KDM1B: variants seen among roughly 807,000 people sequenced by gnomAD.
KDM1B encodes lysine demethylase 1B, also known as lysine-specific histone demethylase 2.
KDM1B carries 63 observed loss-of-function variants against 107.4 expected under a neutral mutation model. The observed-to-expected ratio is 0.59, with a 90% confidence interval of 0.48 to 0.72. KDM1B has a LOEUF of 0.72. Ranked by LOEUF, KDM1B falls within the 30% of genes least tolerant of loss-of-function variation. The pLI is 0.00. For synonymous variants in KDM1B, 363 were observed against 363.9 expected (o/e 1.00, Z 0.03); for missense variants, 749 against 1,020.8 (o/e 0.73, Z 3.63).
In KDM1B at chr6:18,214,428, G is replaced by T. The variant is rs375679057; in HGVS notation, c.2110-579G>T. Among the ~76,000 whole-genome samples the T allele has an allele frequency of 6.6e-6, 1 of 151,976 alleles. No individual in the cohort carries two copies. Among genetic ancestry groups the T allele is most frequent in the Admixed American group, 6.6e-5 (1 of 15,258 alleles). On this transcript the variant is annotated intron_variant, in intron 19 of 21. Coordinates refer to ENST00000650836, the MANE Select transcript of KDM1B (RefSeq NM_001364614.2). The surrounding 1 kb of genome is among the most constrained non-coding windows in gnomAD (Gnocchi z 4.4). Reference sequence around the variant, plus strand: ...TTCTCCATCTCTTTCTACTTCTTCCGAAGCAAGCTTTAATTAGTGAACAGC... The same window carrying T: ...TTCTCCATCTCTTTCTACTTCTTCCTAAGCAAGCTTTAATTAGTGAACAGC...
At chr6:18,202,330 G>T (rs1276207518) in intron 14 of KDM1B, among the ~76,000 whole-genome samples, 2 of 151,660 alleles carry the variant, frequency 1.3e-5, no homozygotes, top group Non-Finnish European at 2.9e-5. Flanking sequence ...AGCTGAGGAG[G>T]TTAAGGTTCC....
chr6:18,208,003 A>C, intron 16 of KDM1B, 129 bp from the exon 17 acceptor site: 1 of 720,658 alleles, frequency 1.4e-6, no homozygotes, highest in South Asian at 1.5e-5. Flanking sequence ...AATTGTTTAG[A>C]TCTCTGAATG....
At position 18,172,835 on chromosome 6, in the gene KDM1B, A is replaced by AT. The variant is rs1785743391; in HGVS notation, c.534+1357dup. ...TTGGGCGCGGTGGCTCACACCTGTA[A>AT]TCCCAGCACTTTGGGAGGCCGAGAT... On this transcript the variant is annotated intron_variant, in intron 7 of 21. Transcript: ENST00000650836. This position sits in a 1 kb window ranked among gnomAD's most constrained non-coding sequence, Gnocchi z 5.2. 6.6e-6 allele frequency among the ~76,000 whole-genome samples: 1 copy of AT among 152,122 alleles called. No homozygotes were observed. The highest frequency in any genetic ancestry group is 6.6e-5 in the Admixed American group (1 of 15,250).
At chr6:18,219,638 T>G (rs2151053997) in intron 21 of KDM1B, among the ~76,000 whole-genome samples, 1 of 152,352 alleles carries the variant, frequency 6.6e-6, no homozygotes, top group East Asian at 1.9e-4. Context: ...TTCCTCAGTC[T>G]CAGAGTTCTT....
chr6:18,191,521 C>T lies in KDM1B; in HGVS notation c.969+140C>T. 1 of 944,282 alleles carries T rather than the reference C, an allele frequency of 1.1e-6. No individual in the cohort carries two copies. The highest frequency in any genetic ancestry group is 1.6e-6 in the Non-Finnish European group (1 of 643,712). The allele number at this position is 944,282 out of a possible 1,614,324, so 58.5% of individuals were successfully genotyped here. A position where few individuals can be genotyped will look rare whatever the true frequency, so the allele number is the denominator to read the frequency against. ...CTGTTGACAATTTGGGCAGATAATT[C>T]TTTGTGGTGGGGACTGTCTTTGCAC... On this transcript the variant is annotated intron_variant, in intron 10 of 21. Coordinates refer to ENST00000650836, the MANE Select transcript of KDM1B (RefSeq NM_001364614.2). This position sits in a 1 kb window ranked among gnomAD's most constrained non-coding sequence, Gnocchi z 5.1.
In KDM1B at chr6:18,172,173, C is replaced by T. The variant is rs571457154; in HGVS notation, c.534+694C>T. Among the ~76,000 whole-genome samples, 14 of 152,252 alleles carry T rather than the reference C, an allele frequency of 9.2e-5. No individual in the cohort carries two copies. Among genetic ancestry groups the T allele is most frequent in the Admixed American group, 7.2e-4 (11 of 15,286 alleles). ...ATTGATATGCTTGGCAATTAGGAAT[C>T]GGCCATCGTTGTTATAATGTGCCTT... is the stretch of plus-strand genomic sequence containing the variant. On this transcript the variant is annotated intron_variant, in intron 7 of 21. Coordinates refer to ENST00000650836, the MANE Select transcript of KDM1B (RefSeq NM_001364614.2). The surrounding 1 kb of genome is among the most constrained non-coding windows in gnomAD (Gnocchi z 5.2).
rs1275675238 is a variant in KDM1B at position 18,165,419 on chromosome 6, C to T, written c.306-848C>T. Among the ~76,000 whole-genome samples, 10 of 152,062 alleles carry T rather than the reference C, an allele frequency of 6.6e-5. 1 individual carries two copies. The East Asian group carries it at 1.2e-3, about 18-fold the overall frequency. On this transcript the variant is annotated intron_variant, in intron 5 of 21. Coordinates refer to ENST00000650836, the MANE Select transcript of KDM1B (RefSeq NM_001364614.2). ...TGCTGGGATTACAGGCGTGAGCCAC[C>T]GTACCCCGCCGCCTTCTCTGATTTT...
chr6:18,166,497 A>G (rs1785306917), intron 6 of KDM1B, 119 bp downstream of exon 6: 2 of 640,608 alleles, frequency 3.1e-6, no homozygotes, highest in South Asian at 2.0e-5. Flanking sequence ...TATGACTATT[A>G]AAGCAAATAT....
rs1788165318 is a variant in KDM1B, at chr6:18,203,327, C to G, written c.1531+1670C>G. Among the ~76,000 whole-genome samples the G allele has an allele frequency of 1.3e-5, 2 of 152,136 alleles. No homozygotes were observed. The highest frequency in any genetic ancestry group is 4.8e-5 in the African/African-American group (2 of 41,434). ...AGTTGTTAAGGTAGGCTCAGCAATTCTTACTGTGTAAGTGGGTATTTCATC... is the reference window on the plus strand; with the variant it reads ...AGTTGTTAAGGTAGGCTCAGCAATTGTTACTGTGTAAGTGGGTATTTCATC... On this transcript the variant is annotated intron_variant, in intron 14 of 21. Coordinates refer to ENST00000650836, the MANE Select transcript of KDM1B (RefSeq NM_001364614.2). This position sits in a 1 kb window ranked among gnomAD's most constrained non-coding sequence, Gnocchi z 5.5.
At chr6:18,171,206 G>A (rs116036175) in intron 6 of KDM1B, among the ~76,000 whole-genome samples, 157 bp from the exon 7 acceptor site, 164 of 152,278 alleles carry the variant, frequency 1.1e-3, no homozygotes, top group Non-Finnish European at 1.3e-3. Flanking sequence ...TATCCTAATG[G>A]GGTGAAAGTG....
chr6:18,172,291 C>G lies in KDM1B; in HGVS notation c.534+812C>G, dbSNP rs895656357. Among the ~76,000 whole-genome samples the G allele has an allele frequency of 2.6e-5, 4 of 152,104 alleles. No homozygotes were observed. Among genetic ancestry groups the G allele is most frequent in the Non-Finnish European group, 4.4e-5 (3 of 68,026 alleles). ...TAGTCTACACAAATGCCACTGGTAC[C>G]TGCAGTACATTAAAGAATATTAGGA... On this transcript the variant is annotated intron_variant, in intron 7 of 21. Transcript: ENST00000650836. The surrounding 1 kb of genome is among the most constrained non-coding windows in gnomAD (Gnocchi z 5.2).
chr6:18,208,241 C>T (rs1788525698), intron 17 of KDM1B, 35 bp downstream of exon 17: 7 of 1,484,544 alleles, frequency 4.7e-6, no homozygotes, highest in South Asian at 1.2e-5. Flanking sequence ...TGGGTAGAAA[C>T]CTTTGCTGCC....
rs1038279342 is a variant in KDM1B at position 18,209,616 on chromosome 6, T to C, written c.1866+1410T>C. On this transcript the variant is annotated intron_variant, in intron 17 of 21. Transcript: ENST00000650836. This position sits in a 1 kb window ranked among gnomAD's most constrained non-coding sequence, Gnocchi z 4.3. ...GAATTGGCCTCGCTTTTTTGTTTGT[T>C]TTTTTCAGAGACAGGGTCTCAGTCT... 6.6e-6 allele frequency among the ~76,000 whole-genome samples: 1 copy of C among 152,166 alleles called. No homozygotes were observed. The highest frequency in any genetic ancestry group is 1.5e-5 in the Non-Finnish European group (1 of 68,042).
rs1379628538 is a variant in KDM1B, at chr6:18,178,564, T to G, written c.534+7085T>G. ...CACATCACCATGCCTGGCTAATTTT[T>G]TGTATTTTAGTAGAGACAGGGCTTC... On this transcript the variant is annotated intron_variant, in intron 7 of 21. Coordinates refer to ENST00000650836, the MANE Select transcript of KDM1B (RefSeq NM_001364614.2). Among the ~76,000 whole-genome samples the G allele has an allele frequency of 4.6e-5, 7 of 151,654 alleles. No individual in the cohort carries two copies. In the East Asian group the frequency reaches 1.4e-3, roughly 29 times the overall value.
chr6:18,166,076 C>T (rs1561908287), intron 5 of KDM1B, among the ~76,000 whole-genome samples, 191 bp from the exon 6 acceptor site: 1 of 152,060 alleles, frequency 6.6e-6, no homozygotes, highest in Non-Finnish European at 1.5e-5. Context: ...GTTTTAGATA[C>T]TAAAACTGAC....
Position 18,222,221 on chromosome 6 carries a change from C to T in KDM1B, c.*229C>T, listed in dbSNP as rs187228577. On this transcript the variant is annotated 3_prime_UTR_variant, in exon 22 of 22. Coordinates refer to ENST00000650836, the MANE Select transcript of KDM1B (RefSeq NM_001364614.2). ...GCATTTTCCATAGGTTCAACTACTG[C>T]TGAAAGTCTGGATTTCAGAATAAAG... is the stretch of plus-strand genomic sequence containing the variant. 186 of 636,816 alleles carry T rather than the reference C, an allele frequency of 2.9e-4. No homozygotes were observed. The African/African-American group carries it at 3.0e-3, about 10-fold the overall frequency. 39.4% of individuals were successfully genotyped at this position (636,816 alleles called of 1,614,324 possible).
At chr6:18,216,892 C>T (rs1751777086) in intron 20 of KDM1B, among the ~76,000 whole-genome samples, 1 of 152,142 alleles carries the variant, frequency 6.6e-6, no homozygotes, top group African/African-American at 2.4e-5. Flanking sequence ...AGTATTGGTC[C>T]TATCCATGGT....
chr6:18,207,784 A>C (rs1788491056), intron 16 of KDM1B, among the ~76,000 whole-genome samples: 1 of 152,176 alleles, frequency 6.6e-6, no homozygotes, highest in South Asian at 2.1e-4. Flanking sequence ...AACTTTCCTA[A>C]CCCAGTGCAG....
intron 6 of KDM1B, among the ~76,000 whole-genome samples, chr6:18,170,631 C>T (rs1307480286): frequency 2.0e-5 from 3 of 151,838 alleles, no homozygotes; most frequent in Admixed American, 6.6e-5. Flanking sequence ...CAGGCATGCA[C>T]CACCGCACCT....
Sources: allele counts gnomAD v4.1 joint callset (sites outside exome capture counted in the v4.1 genomes callset), GRCh38; gene constraint gnomAD v4.1.1; non-coding constraint Gnocchi (gnomAD v3.1); transcripts MANE v1.5; gene names NCBI Gene and HGNC (gene_info 2026-07-23, HGNC 2026-07-21).